The following GLB1 variants were observed in gnomAD, a reference collection of about 807,000 sequenced individuals.
GLB1 encodes the protein galactosidase beta 1.
A neutral mutation model predicts 74.0 loss-of-function variants in GLB1; 56 were observed. That is an observed-to-expected ratio of 0.76 (90% confidence interval 0.61 to 0.94). The LOEUF (loss-of-function observed/expected upper bound fraction) is 0.94, where lower values mean the gene tolerates loss of function less well. GLB1 is among the 40% of genes least tolerant of loss of function. The probability of loss-of-function intolerance (pLI) is 0.00; values close to 1 mark genes in which losing one functional copy is unlikely to be tolerated. For synonymous variants in GLB1, 323 were observed against 323.6 expected (o/e 1.00, Z 0.02); for missense variants, 787 against 845.5 (o/e 0.93, Z 0.86).
Position 33,097,131 on chromosome 3 carries a change from T to C in GLB1, c.-46A>G, listed in dbSNP as rs763523914. Reference sequence around the variant, plus strand: ...TGCAGTCGGCGCCCAGGCCGGCCGCTTCGCGTCACTTGACTAAGGACCCAC... The same window carrying C: ...TGCAGTCGGCGCCCAGGCCGGCCGCCTCGCGTCACTTGACTAAGGACCCAC... On this transcript the variant is annotated 5_prime_UTR_variant, in exon 1 of 16. Transcript: ENST00000307363. The C allele has an allele frequency of 5.6e-6, 9 of 1,603,888 alleles. 1 individual carries two copies. In the Middle Eastern group the frequency reaches 1.2e-3, roughly 207 times the overall value.
chr3:32,995,701 C>T (rs553470107), downstream of GLB1, among the ~76,000 whole-genome samples: 31 of 151,530 alleles, frequency 2.0e-4, 1 homozygote, highest in Admixed American at 1.6e-3. Flanking sequence ...ACTACAGGGC[C>T]GGGTGCAGTG....
intron 12 of GLB1, among the ~76,000 whole-genome samples, chr3:33,020,610 G>T (rs1343169803): frequency 1.3e-5 from 2 of 152,206 alleles, no homozygotes; most frequent in Non-Finnish European, 2.9e-5. Context: ...CTTAGGAACA[G>T]TTTCAGACGG....
chr3:33,027,447 G>A (rs1230788728), intron 10 of GLB1, among the ~76,000 whole-genome samples: 1 of 152,234 alleles, frequency 6.6e-6, no homozygotes, highest in African/African-American at 2.4e-5. Context: ...GAACCCAGTG[G>A]GCCCGAGCAA....
chr3:33,039,763 T>G (rs1485956818), intron 10 of GLB1, among the ~76,000 whole-genome samples: 1 of 152,068 alleles, frequency 6.6e-6, no homozygotes, highest in African/African-American at 2.4e-5. Context: ...TGCCATAGAT[T>G]TAGGAAGTTC....
chr3:32,996,720 T>G lies in GLB1; in HGVS notation c.*325A>C, dbSNP rs944731758. ...TTCAATACCTGCACATTAAAAACAG[T>G]GACATCATCATTTGAGTACAAATTT... On this transcript the variant is annotated 3_prime_UTR_variant, in exon 16 of 16. Coordinates refer to ENST00000307363, the MANE Select transcript of GLB1 (RefSeq NM_000404.4). 1.1e-5 allele frequency: 4 copies of G among 367,244 alleles called. No homozygotes were observed. Among genetic ancestry groups the G allele is most frequent in the African/African-American group, 8.4e-5 (4 of 47,738 alleles). 22.7% of individuals were successfully genotyped at this position (367,244 alleles called of 1,614,324 possible).
intron 6 of GLB1, 47 bp from the exon 7 acceptor site, chr3:33,053,596 A>G: frequency 6.2e-7 from 1 of 1,613,300 alleles, no homozygotes; most frequent in Non-Finnish European, 8.5e-7. Context: ...GGAAATGACA[A>G]GAAGTTAAAT....
chr3:33,094,207 C>A, intron 1 of GLB1: 1 of 1,583,008 alleles, frequency 6.3e-7, no homozygotes, highest in South Asian at 1.2e-5. Flanking sequence ...TTCTCTGCTC[C>A]TAGTAGGCTC....
chr3:33,009,479 GC>G (rs1300970631), intron 15 of GLB1, among the ~76,000 whole-genome samples: 1 of 152,110 alleles, frequency 6.6e-6, no homozygotes, highest in Non-Finnish European at 1.5e-5. Context: ...CCGAGATTGT[GC>G]CATTGCACTC....
At chr3:32,966,824 T>C in the GLB1 span, among the ~76,000 whole-genome samples, 1 of 152,170 alleles carries the variant, frequency 6.6e-6, no homozygotes. Flanking sequence ...GATCTGATGG[T>C]TTTATAAAGG....
chr3:33,094,773 T>C (rs1700933941), intron 1 of GLB1, among the ~76,000 whole-genome samples: 1 of 152,228 alleles, frequency 6.6e-6, no homozygotes, highest in Non-Finnish European at 1.5e-5. Flanking sequence ...TGTCTTCTAT[T>C]AAGAGACATT....
At chr3:33,005,493 A>G (rs1696748307) in intron 15 of GLB1, among the ~76,000 whole-genome samples, 1 of 152,186 alleles carries the variant, frequency 6.6e-6, no homozygotes, top group South Asian at 2.1e-4. Context: ...TGTCTCTCCA[A>G]ATGGATTGAG....
At chr3:33,072,083 A>G (rs1359596446) in intron 2 of GLB1, among the ~76,000 whole-genome samples, 1 of 152,204 alleles carries the variant, frequency 6.6e-6, no homozygotes, top group Non-Finnish European at 1.5e-5. Flanking sequence ...AGCTTTTTGT[A>G]TGACTACAGC....
chr3:33,023,478 T>C (rs921821541), intron 11 of GLB1, among the ~76,000 whole-genome samples: 1 of 152,134 alleles, frequency 6.6e-6, no homozygotes, highest in Non-Finnish European at 1.5e-5. Context: ...TACATAATCA[T>C]GTTTGGCATT....
chr3:32,976,384 A>G, the GLB1 span, among the ~76,000 whole-genome samples: 1 of 152,282 alleles, frequency 6.6e-6, no homozygotes, highest in African/African-American at 2.4e-5. Context: ...CTGGTTCATG[A>G]GAACTCTTGC....
At chr3:32,998,819 G>A (rs151247035) in intron 15 of GLB1, among the ~76,000 whole-genome samples, 3 of 152,268 alleles carry the variant, frequency 2.0e-5, no homozygotes, top group Non-Finnish European at 2.9e-5. Context: ...ATCACGTTCT[G>A]CAACACAACT....
At chr3:32,980,773 T>G in the GLB1 span, among the ~76,000 whole-genome samples, 1 of 149,984 alleles carries the variant, frequency 6.7e-6, no homozygotes, top group Non-Finnish European at 1.5e-5. Flanking sequence ...AGAGTGAGAC[T>G]CCCTCTCAAA....
At chr3:33,035,399 T>C (rs1166718760) in intron 10 of GLB1, among the ~76,000 whole-genome samples, 1 of 151,878 alleles carries the variant, frequency 6.6e-6, no homozygotes, top group South Asian at 2.1e-4. Context: ...ACCACTGCAC[T>C]CCACCCTGGG....
intron 1 of GLB1, among the ~76,000 whole-genome samples, chr3:33,085,792 T>G (rs1700483736): frequency 6.6e-6 from 1 of 151,464 alleles, no homozygotes; most frequent in Non-Finnish European, 1.5e-5. Context: ...ATGCCAGCAT[T>G]TTGGGAGGCT....
chr3:33,061,369 G>C lies in GLB1; in HGVS notation c.553-3100C>G, dbSNP rs186007163. Among the ~76,000 whole-genome samples, 86 of 152,288 alleles carry C rather than the reference G, an allele frequency of 5.6e-4. 1 individual carries two copies. The highest frequency in any genetic ancestry group is 5.6e-3 in the Admixed American group (85 of 15,296). ...GCAGAGGTTGCCATGAGCAGAGATT[G>C]CGCCACTGGATTCCAGCCTGGGTGA... On this transcript the variant is annotated intron_variant, in intron 5 of 15. Transcript: ENST00000307363.
Sources: gnomAD v4.1 joint callset for allele counts (sites outside exome capture counted in the v4.1 genomes callset) on GRCh38, gnomAD v4.1.1 for gene constraint, MANE v1.5 for transcripts, NCBI Gene and HGNC (gene_info 2026-07-23, HGNC 2026-07-21) for gene names.